The following SLAMF1 variants were observed in gnomAD, a reference collection of about 807,000 sequenced individuals.
SLAMF1 encodes signaling lymphocytic activation molecule family member 1, also known as signaling lymphocytic activation molecule.
SLAMF1 carries 18 observed loss-of-function variants against 35.1 expected under a neutral mutation model. The ratio of observed to expected loss-of-function variants is 0.51; its 90% CI spans 0.35 to 0.76. The LOEUF (loss-of-function observed/expected upper bound fraction) is 0.76. Ranked by LOEUF, SLAMF1 falls within the 30% of genes least tolerant of loss-of-function variation. The pLI is 0.01. For synonymous variants in SLAMF1, 168 were observed against 157.2 expected (o/e 1.07, Z -0.51); for missense variants, 392 against 413.0 (o/e 0.95, Z 0.44).
At chr1:160,629,436 G>C (rs554108006) in intron 3 of SLAMF1, among the ~76,000 whole-genome samples, 1 of 152,138 alleles carries the variant, frequency 6.6e-6, no homozygotes, top group Non-Finnish European at 1.5e-5. Flanking sequence ...CGACGTTAGC[G>C]TAACGGTGGG....
At chr1:160,630,760 G>T (rs1251467646) in intron 3 of SLAMF1, among the ~76,000 whole-genome samples, 6 of 152,100 alleles carry the variant, frequency 3.9e-5, no homozygotes, top group Non-Finnish European at 8.8e-5. Context: ...TGAAAAGCAA[G>T]ACTGATGGTG....
At chr1:160,643,449 C>A (rs548853565) in intron 1 of SLAMF1, among the ~76,000 whole-genome samples, 31 of 152,196 alleles carry the variant, frequency 2.0e-4, no homozygotes, top group African/African-American at 7.5e-4. Context: ...TTGCTCCTCT[C>A]GGGAAAAATT....
chr1:160,619,254 C>A (rs1422084861), intron 5 of SLAMF1, among the ~76,000 whole-genome samples: 1 of 152,180 alleles, frequency 6.6e-6, no homozygotes, highest in African/African-American at 2.4e-5. Flanking sequence ...TTCCATCCTT[C>A]ACTTCTTAGT....
At position 160,632,398 on chromosome 1, in the gene SLAMF1, GC is replaced by G. The variant is rs1443321491; in HGVS notation, c.700+2214del. Among the ~76,000 whole-genome samples the G allele has an allele frequency of 3.3e-5, 5 of 152,112 alleles. 1 individual carries two copies. The highest frequency in any genetic ancestry group is 5.9e-5 in the Non-Finnish European group (4 of 68,020). On this transcript the variant is annotated intron_variant, in intron 3 of 6. Transcript: ENST00000302035. ...CTTCCTGTGGTGCCAGGTTTCTACT[GC>G]TTCCTGTCCCTCCACTCCTCACAAG...
At chr1:160,620,559 CTCA>C (rs1173615060) in intron 4 of SLAMF1, among the ~76,000 whole-genome samples, 4 of 151,920 alleles carry the variant, frequency 2.6e-5, no homozygotes, top group African/African-American at 9.7e-5. Flanking sequence ...GTAATTTATT[CTCA>C]TCATAAAATA....
chr1:160,622,941 T>A (rs1659696899), intron 4 of SLAMF1, among the ~76,000 whole-genome samples: 1 of 152,186 alleles, frequency 6.6e-6, no homozygotes, highest in Admixed American at 6.5e-5. Flanking sequence ...AGCAACTAAA[T>A]ATAAATTTTA....
At chr1:160,634,461 A>G in intron 3 of SLAMF1, 152 bp downstream of exon 3, 1 of 1,400,436 alleles carries the variant, frequency 7.1e-7, no homozygotes, top group Admixed American at 2.9e-5. Flanking sequence ...GAGTGAGCTC[A>G]CTAAATGCAC....
intron 1 of SLAMF1, among the ~76,000 whole-genome samples, chr1:160,645,237 TCTTG>T (rs1484252567): frequency 1.3e-5 from 2 of 152,218 alleles, no homozygotes; most frequent in Non-Finnish European, 2.9e-5. Flanking sequence ...GAATCAAGCT[TCTTG>T]CTTGGGCAAA....
At chr1:160,630,751 GA>G (rs1184547826) in intron 3 of SLAMF1, among the ~76,000 whole-genome samples, 1 of 151,970 alleles carries the variant, frequency 6.6e-6, no homozygotes, top group Admixed American at 6.5e-5. Context: ...GTTCCTCTTT[GA>G]AAAGCAAGAC....
intron 3 of SLAMF1, among the ~76,000 whole-genome samples, chr1:160,631,429 A>T (rs1040154297): frequency 2.0e-5 from 3 of 152,192 alleles, no homozygotes; most frequent in African/African-American, 7.2e-5. Context: ...CACAGAGTTA[A>T]TTGAGTAAAA....
At chr1:160,637,964 A>G (rs979036054) in intron 1 of SLAMF1, among the ~76,000 whole-genome samples, 1 of 152,196 alleles carries the variant, frequency 6.6e-6, no homozygotes, top group African/African-American at 2.4e-5. Flanking sequence ...TTCTGAGCTC[A>G]TGAGCCCAGG....
intron 2 of SLAMF1, among the ~76,000 whole-genome samples, chr1:160,635,838 C>T (rs539666129): frequency 2.0e-5 from 3 of 152,180 alleles, no homozygotes; most frequent in African/African-American, 7.2e-5. Flanking sequence ...CTCGGCCTCC[C>T]AAAGTGCTGA....
At position 160,634,724 on chromosome 1, in the gene SLAMF1, T is replaced by A; in HGVS notation, c.589A>T (p.Thr197Ser). Residue 197 changes from threonine (T) to serine (S), a missense_variant, in exon 3 of 7, where the codon ACC (threonine) becomes TCC (serine). Coordinates refer to ENST00000302035, the MANE Select transcript of SLAMF1 (RefSeq NM_003037.5). ...PANSSHLLSL[T>S]LGPQHADNIY... ...TTGTCAGCATGCTGGGGGCCGAGGG[T>A]GAGGGACAGGAGGTGGGAGCTGTTG... is the stretch of plus-strand genomic sequence containing the variant. 1 of 1,613,896 alleles carries A rather than the reference T, an allele frequency of 6.2e-7. No individual in the cohort carries two copies. Among genetic ancestry groups the A allele is most frequent in the Non-Finnish European group, 8.5e-7 (1 of 1,179,946 alleles).
At chr1:160,639,502 C>T (rs1660631642) in intron 1 of SLAMF1, among the ~76,000 whole-genome samples, 1 of 152,206 alleles carries the variant, frequency 6.6e-6, no homozygotes, top group South Asian at 2.1e-4. Context: ...GCTGGGATTA[C>T]AGGCATGAGC....
At position 160,616,832 on chromosome 1, in the gene SLAMF1, G is replaced by A. The variant is rs115039600; in HGVS notation, c.864+2944C>T. ...ACATCCAACAGTAGGACTAAAATTA[G>A]ACTGTTAATACCAAGTTTTCATTAG... On this transcript the variant is annotated intron_variant, in intron 5 of 6. Coordinates refer to ENST00000302035, the MANE Select transcript of SLAMF1 (RefSeq NM_003037.5). Among the ~76,000 whole-genome samples, 333 of 152,318 alleles carry A rather than the reference G, an allele frequency of 2.2e-3. 1 individual carries two copies. The highest frequency in any genetic ancestry group is 7.8e-3 in the African/African-American group (325 of 41,564).
chr1:160,646,534 C>A (rs1046038392), intron 1 of SLAMF1, among the ~76,000 whole-genome samples: 2 of 152,116 alleles, frequency 1.3e-5, no homozygotes, highest in African/African-American at 4.8e-5. Flanking sequence ...TGGGTCTTTG[C>A]CAGAAGATGC....
Position 160,609,495 on chromosome 1 carries a change from A to G in SLAMF1, c.*1253T>C, listed in dbSNP as rs1658866404. 1.3e-5 allele frequency: 2 copies of G among 152,200 alleles called. No homozygotes were observed. The highest frequency in any genetic ancestry group is 3.8e-4 in the East Asian group (2 of 5,204). The allele number at this position is 152,200 out of a possible 1,614,324, so 9.4% of individuals were successfully genotyped here. ...ATAAGGACCTGAGTTTTGAGCTGGG[A>G]AGTTGGTGCTCCTTATTATGCAATG... On this transcript the variant is annotated 3_prime_UTR_variant, in exon 7 of 7. Coordinates refer to ENST00000302035, the MANE Select transcript of SLAMF1 (RefSeq NM_003037.5).
intron 1 of SLAMF1, among the ~76,000 whole-genome samples, chr1:160,640,605 T>C (rs1660697340): frequency 6.6e-6 from 1 of 151,970 alleles, no homozygotes; most frequent in Non-Finnish European, 1.5e-5. Context: ...GATGAGCTAT[T>C]GGAAAATTGG....
chr1:160,614,163 G>A (rs935433673), intron 5 of SLAMF1, among the ~76,000 whole-genome samples: 3 of 152,196 alleles, frequency 2.0e-5, no homozygotes, highest in African/African-American at 7.2e-5. Flanking sequence ...GTAATTGGGT[G>A]GTTCAGATAG....
Sources: gnomAD v4.1 joint callset for allele counts (sites outside exome capture counted in the v4.1 genomes callset) on GRCh38, gnomAD v4.1.1 for gene constraint, MANE v1.5 for transcripts, NCBI Gene and HGNC (gene_info 2026-07-23, HGNC 2026-07-21) for gene names.